SLC5A7: variants seen among roughly 807,000 people sequenced by gnomAD.
SLC5A7 encodes the protein solute carrier family 5 member 7.
SLC5A7 carries 19 observed loss-of-function variants against 55.4 expected under a neutral mutation model. The ratio of observed to expected loss-of-function variants is 0.34; its 90% CI spans 0.24 to 0.50. SLC5A7 has a LOEUF of 0.50. Ranked by LOEUF, SLC5A7 falls within the 20% of genes least tolerant of loss-of-function variation. The pLI, the probability that SLC5A7 is intolerant of heterozygous loss-of-function variation, is 0.98. For missense variants in SLC5A7, 506 were observed against 705.3 expected, an observed-to-expected ratio of 0.72 and a Z score of 3.20; for synonymous variants, 265 against 263.7, an observed-to-expected ratio of 1.00 and a Z score of -0.05.
rs1385514739 is a variant in SLC5A7 at position 107,992,094 on chromosome 2, A to T, written c.179-12A>T. 1.3e-6 allele frequency: 2 copies of T among 1,585,188 alleles called. No homozygotes were observed. The highest frequency in any genetic ancestry group is 1.7e-6 in the Non-Finnish European group (2 of 1,154,410). ...AGACAGTATCACTCCCTCACTTTTC[A>T]TTCTGTTTCAGCTACCTGGGTCGGA... On this transcript the variant is annotated splice_polypyrimidine_tract_variant and intron_variant, in intron 2 of 8. Coordinates refer to ENST00000264047, the MANE Select transcript of SLC5A7 (RefSeq NM_021815.5).
Position 108,010,904 on chromosome 2 carries a change from A to G in SLC5A7, c.*43A>G. The stretch of plus-strand genomic sequence containing the variant: ...ACTGCTTTTGCAAACAGAACACTGT[A>G]ATAGGGTAGTTCTGGAGAGATGGTA... On this transcript the variant is annotated 3_prime_UTR_variant, in exon 9 of 9. Coordinates refer to ENST00000264047, the MANE Select transcript of SLC5A7 (RefSeq NM_021815.5). The G allele has an allele frequency of 1.3e-5, 19 of 1,511,076 alleles. No individual in the cohort carries two copies. The allele number at this position is 1,511,076 out of a possible 1,614,324, so 93.6% of individuals were successfully genotyped here.
chr2:107,992,329 A>C (rs2104340943), intron 3 of SLC5A7, 110 bp downstream of exon 3: 1 of 587,960 alleles, frequency 1.7e-6, no homozygotes, highest in Non-Finnish European at 2.9e-6. Context: ...ATTGTAAAAA[A>C]ATGTCCCCAG....
chr2:107,996,866 A>C (rs1226330196), intron 4 of SLC5A7, among the ~76,000 whole-genome samples: 1 of 152,256 alleles, frequency 6.6e-6, no homozygotes, highest in Non-Finnish European at 1.5e-5. Context: ...CTGGTATCCT[A>C]GGAGCAGGAC....
intron 3 of SLC5A7, among the ~76,000 whole-genome samples, chr2:107,992,543 T>A (rs1315546053): frequency 2.0e-5 from 3 of 152,200 alleles, no homozygotes; most frequent in Non-Finnish European, 4.4e-5. Flanking sequence ...GAAATGTACC[T>A]GTGTTTCTTT....
rs1181796872 is a variant in SLC5A7, at chr2:107,997,844, C to T, written c.455C>T (p.Thr152Ile). ...ACTCTCTTGTTTGTTTCAGGAGCCA[C>T]CATCAGCGTGATCATCGATGTGGAT... is the stretch of plus-strand genomic sequence containing the variant. ...AAAIFSALGA[T>I]ISVIIDVDMH... The change falls in exon 5 of 9, where the codon ACC becomes ATC. Residue 152 changes from threonine to isoleucine, a missense_variant. This residue lies in a region of SLC5A7 where 309 missense variants were observed against 478.6 expected (regional missense o/e 0.65). Coordinates refer to ENST00000264047, the MANE Select transcript of SLC5A7 (RefSeq NM_021815.5). 1 of 1,608,316 alleles carries T rather than the reference C, an allele frequency of 6.2e-7. No homozygotes were observed. Among genetic ancestry groups the T allele is most frequent in the Non-Finnish European group, 8.5e-7 (1 of 1,177,060 alleles).
intron 4 of SLC5A7, among the ~76,000 whole-genome samples, chr2:107,995,470 A>AGAGAGAGTGTGTGTGT (rs1405177003): frequency 2.2e-5 from 3 of 137,166 alleles, no homozygotes; most frequent in African/African-American, 8.3e-5. Context: ...AGAGAGAGAG[A>AGAGAGAGTGTGTGTGT]GTGTGTGTGT....
At chr2:108,002,528 G>A (rs553822243) in intron 6 of SLC5A7, among the ~76,000 whole-genome samples, 18 of 152,276 alleles carry the variant, frequency 1.2e-4, no homozygotes, top group Admixed American at 6.5e-4. Flanking sequence ...GAGGCCCTCA[G>A]GAGCCAGAGG....
chr2:107,991,760 T>C (rs1252981447), intron 2 of SLC5A7, among the ~76,000 whole-genome samples: 1 of 152,128 alleles, frequency 6.6e-6, no homozygotes, highest in East Asian at 1.9e-4. Context: ...ACTCAATGCA[T>C]TTAGAAAACA....
chr2:108,004,071 C>A (rs1678017069), intron 6 of SLC5A7, among the ~76,000 whole-genome samples: 1 of 152,138 alleles, frequency 6.6e-6, no homozygotes, highest in Non-Finnish European at 1.5e-5. Flanking sequence ...GACCCCACCT[C>A]TGAATAGTAT....
intron 4 of SLC5A7, among the ~76,000 whole-genome samples, chr2:107,994,536 A>C (rs977633486): frequency 6.6e-6 from 1 of 152,128 alleles, no homozygotes; most frequent in Admixed American, 6.5e-5. Context: ...CAGTGAGCTG[A>C]GATCACGCCA....
intron 7 of SLC5A7, among the ~76,000 whole-genome samples, chr2:108,008,178 T>C (rs1678191260): frequency 6.6e-6 from 1 of 152,194 alleles, no homozygotes. Flanking sequence ...TGAGAGTTTG[T>C]TTTCTATGAT....
chr2:107,998,910 T>C (rs1051002230), intron 5 of SLC5A7, among the ~76,000 whole-genome samples: 5 of 152,202 alleles, frequency 3.3e-5, no homozygotes, highest in Admixed American at 6.5e-5. Flanking sequence ...ATTTTACTTT[T>C]GACACTAGAC....
chr2:108,003,211 AG>A (rs1474920030), intron 6 of SLC5A7, among the ~76,000 whole-genome samples: 7 of 152,236 alleles, frequency 4.6e-5, no homozygotes, highest in Admixed American at 4.6e-4. Flanking sequence ...ATACCTGCAT[AG>A]TAGATGTGCT....
intron 1 of SLC5A7, among the ~76,000 whole-genome samples, chr2:107,987,403 G>A (rs1411347791): frequency 1.3e-5 from 2 of 152,084 alleles, no homozygotes; most frequent in African/African-American, 2.4e-5. Flanking sequence ...TACCATTAAT[G>A]GGGGGTGATG....
Position 108,013,941 on chromosome 2 carries a change from C to G in SLC5A7, c.*3080C>G, listed in dbSNP as rs1204998360. 1 of 152,032 alleles carries G rather than the reference C, an allele frequency of 6.6e-6. No homozygotes were observed. Among genetic ancestry groups the G allele is most frequent in the Non-Finnish European group, 1.5e-5 (1 of 67,986 alleles). 9.4% of individuals were successfully genotyped at this position (152,032 alleles called of 1,614,324 possible). A position where few individuals can be genotyped will look rare whatever the true frequency, so the allele number is the denominator to read the frequency against. On this transcript the variant is annotated 3_prime_UTR_variant, in exon 9 of 9. Transcript: ENST00000264047. ...AAAATAAGTGAATCTAATAAAATGG[C>G]TATTCCTCTTTTTACTTGGAAATAA...
At position 108,013,903 on chromosome 2, in the gene SLC5A7, C is replaced by T. The variant is rs552932787; in HGVS notation, c.*3042C>T. 1.6e-4 allele frequency: 24 copies of T among 152,028 alleles called. No homozygotes were observed. Among genetic ancestry groups the T allele is most frequent in the East Asian group, 5.8e-4 (3 of 5,168 alleles). The allele number at this position is 152,028 out of a possible 1,614,324, so 9.4% of individuals were successfully genotyped here. On this transcript the variant is annotated 3_prime_UTR_variant, in exon 9 of 9. Coordinates refer to ENST00000264047, the MANE Select transcript of SLC5A7 (RefSeq NM_021815.5). Reference sequence around the variant, plus strand: ...TAATGAATTTTATGTGACTATGAAACGAATATAAGCTTAAAATAAGTGAAT... The same window carrying T: ...TAATGAATTTTATGTGACTATGAAATGAATATAAGCTTAAAATAAGTGAAT...
At chr2:107,992,874 T>C in intron 3 of SLC5A7, 98 bp from the exon 4 acceptor site, 1 of 1,338,272 alleles carries the variant, frequency 7.5e-7, no homozygotes, top group Non-Finnish European at 1.0e-6. Flanking sequence ...CATACAGGTG[T>C]TCTGGAAAAT....
At chr2:108,010,126 A>T in intron 8 of SLC5A7, 106 bp from the exon 9 acceptor site, 1 of 1,355,304 alleles carries the variant, frequency 7.4e-7, no homozygotes, top group Non-Finnish European at 1.0e-6. Flanking sequence ...CATTTGAACC[A>T]GGAGAATTCT....
At chr2:108,001,744 GC>G (rs1272369749) in intron 5 of SLC5A7, among the ~76,000 whole-genome samples, 152 bp from the exon 6 acceptor site, 1 of 151,832 alleles carries the variant, frequency 6.6e-6, no homozygotes, top group Non-Finnish European at 1.5e-5. Flanking sequence ...ATTTTATGGT[GC>G]CCAACAAAAA....
Sources: allele counts gnomAD v4.1 joint callset (sites outside exome capture counted in the v4.1 genomes callset), GRCh38; gene constraint gnomAD v4.1.1; regional missense constraint gnomAD v4.1.1; transcripts MANE v1.5; gene names NCBI Gene and HGNC (gene_info 2026-07-23, HGNC 2026-07-21).